Variants in DSCAM observed in about 807,000 individuals in gnomAD.
DSCAM encodes DS cell adhesion molecule, also known as cell adhesion molecule DSCAM.
DSCAM carries 47 observed loss-of-function variants against 217.7 expected under a neutral mutation model. The observed-to-expected ratio is 0.22, with a 90% CI of 0.17 to 0.28. The LOEUF (loss-of-function observed/expected upper bound fraction) is 0.28. DSCAM is among the 10% of genes least tolerant of loss of function. The pLI is 1.00. For missense variants in DSCAM, 2,080 were observed against 2,618.3 expected (o/e 0.79, Z 4.49); for synonymous variants, 1,056 against 1,015.3 (o/e 1.04, Z -0.76).
chr21:40,711,868 T>C (rs2837792), intron 1 of DSCAM, among the ~76,000 whole-genome samples: 1 of 147,472 alleles, frequency 6.8e-6, no homozygotes, highest in Admixed American at 6.7e-5. Flanking sequence ...CTCTTGAGAA[T>C]ACACTCCCAG....
chr21:40,322,024 C>T (rs963156972), intron 8 of DSCAM, among the ~76,000 whole-genome samples: 4 of 152,186 alleles, frequency 2.6e-5, no homozygotes, highest in Non-Finnish European at 5.9e-5. Flanking sequence ...CAAGACTTCT[C>T]AGCCTACCCT....
intron 1 of DSCAM, among the ~76,000 whole-genome samples, chr21:40,786,247 A>G (rs927237268): frequency 7.7e-6 from 1 of 129,340 alleles, no homozygotes; most frequent in African/African-American, 2.5e-5. Context: ...AAAACAAAAC[A>G]AAGAAAGAAG....
chr21:40,531,257 C>G (rs558961731), intron 3 of DSCAM, among the ~76,000 whole-genome samples: 1 of 152,194 alleles, frequency 6.6e-6, no homozygotes, highest in African/African-American at 2.4e-5. Flanking sequence ...CCCAAGGCTG[C>G]TGCCGGTCTC....
intron 3 of DSCAM, among the ~76,000 whole-genome samples, chr21:40,634,781 T>A (rs940256953): frequency 2.0e-5 from 3 of 152,224 alleles, no homozygotes; most frequent in African/African-American, 7.2e-5. Flanking sequence ...TGGTAATAAC[T>A]GAGCGAGAAG....
At chr21:40,485,368 G>T (rs370594252) in intron 3 of DSCAM, among the ~76,000 whole-genome samples, 2 of 150,124 alleles carry the variant, frequency 1.3e-5, no homozygotes, top group Admixed American at 6.7e-5. Flanking sequence ...TCAGCCTCCC[G>T]AGTAGCTGGG....
chr21:40,216,920 T>C (rs1312207464), intron 11 of DSCAM, among the ~76,000 whole-genome samples: 1 of 152,228 alleles, frequency 6.6e-6, no homozygotes, highest in African/African-American at 2.4e-5. Context: ...GCATTATTTT[T>C]CAAAGTCGGT....
At chr21:40,438,517 C>T (rs759584589) in intron 3 of DSCAM, among the ~76,000 whole-genome samples, 1 of 152,136 alleles carries the variant, frequency 6.6e-6, no homozygotes. Flanking sequence ...AACCATGGCA[C>T]CAAATTGAAT....
intron 3 of DSCAM, among the ~76,000 whole-genome samples, chr21:40,619,995 GAGAAAGAGAGAGAAAAAAGAAAA>G (rs1568941688): frequency 2.1e-4 from 25 of 121,924 alleles, no homozygotes; most frequent in Non-Finnish European, 3.4e-4. Context: ...GAAAGAGAGA[GAGAAAGAGAGAGAAAAAAGAAAA>G]AGAAAGAAAG....
At chr21:40,541,635 C>T (rs901873994) in intron 3 of DSCAM, among the ~76,000 whole-genome samples, 4 of 152,022 alleles carry the variant, frequency 2.6e-5, no homozygotes, top group South Asian at 2.1e-4. Flanking sequence ...TATACACACA[C>T]ATAAATGCAT....
At chr21:40,433,036 G>C (rs1436427560) in intron 3 of DSCAM, among the ~76,000 whole-genome samples, 1 of 152,086 alleles carries the variant, frequency 6.6e-6, no homozygotes, top group Non-Finnish European at 1.5e-5. Flanking sequence ...AAAAAAATCA[G>C]TCACATTTCT....
chr21:40,576,708 C>G (rs759317045), intron 3 of DSCAM, among the ~76,000 whole-genome samples: 1 of 151,854 alleles, frequency 6.6e-6, no homozygotes, highest in Non-Finnish European at 1.5e-5. Context: ...ATATAGAACT[C>G]CTGAAAAATC....
intron 11 of DSCAM, among the ~76,000 whole-genome samples, chr21:40,227,994 C>T (rs1319779283): frequency 6.6e-6 from 1 of 152,114 alleles, no homozygotes; most frequent in East Asian, 1.9e-4. Context: ...TTTCTGTGTT[C>T]TTGATGACTG....
intron 32 of DSCAM, among the ~76,000 whole-genome samples, chr21:40,021,222 A>AG (rs1289243853): frequency 2.2e-4 from 33 of 151,536 alleles, no homozygotes; most frequent in Admixed American, 9.9e-4. Context: ...AAAAAAAAAA[A>AG]AAAAGAAAAG....
At chr21:40,065,953 C>T (rs2089200417) in intron 27 of DSCAM, among the ~76,000 whole-genome samples, 2 of 152,182 alleles carry the variant, frequency 1.3e-5, no homozygotes, top group African/African-American at 4.8e-5. Flanking sequence ...TCACTTGTAA[C>T]CTCCAACCTC....
rs774369927 is a variant in DSCAM, at chr21:40,013,008, C to T, written c.*26G>A. ...GATTGAATTGTTTGAATTGTATTTACAACCGCTGTCCAGTCATGCTGTCTG... is the reference window on the plus strand; with the variant it reads ...GATTGAATTGTTTGAATTGTATTTATAACCGCTGTCCAGTCATGCTGTCTG... On this transcript the variant is annotated 3_prime_UTR_variant, in exon 33 of 33. Coordinates refer to ENST00000400454, the MANE Select transcript of DSCAM (RefSeq NM_001389.5). The T allele has an allele frequency of 5.9e-6, 8 of 1,361,928 alleles. No individual in the cohort carries two copies. The Admixed American group carries it at 1.5e-4, about 25-fold the overall frequency. 84.4% of individuals were successfully genotyped at this position (1,361,928 alleles called of 1,614,324 possible). A position where few individuals can be genotyped will look rare whatever the true frequency, so the allele number is the denominator to read the frequency against.
intron 26 of DSCAM, among the ~76,000 whole-genome samples, chr21:40,075,426 G>A (rs1358155100): frequency 6.6e-6 from 1 of 152,088 alleles, no homozygotes; most frequent in Non-Finnish European, 1.5e-5. Context: ...TATAGTGCAC[G>A]TTTGAAAAGG....
chr21:40,658,036 T>C (rs754858872), intron 3 of DSCAM, among the ~76,000 whole-genome samples: 5 of 152,166 alleles, frequency 3.3e-5, no homozygotes, highest in African/African-American at 4.8e-5. Flanking sequence ...TTAAGTGATA[T>C]TGAGGTATTA....
chr21:40,399,579 G>A (rs1002925963), intron 3 of DSCAM, among the ~76,000 whole-genome samples: 4 of 152,138 alleles, frequency 2.6e-5, no homozygotes, highest in African/African-American at 4.8e-5. Flanking sequence ...AATTCTAAAC[G>A]TATCTTCTCT....
At chr21:40,553,736 A>G (rs1365083434) in intron 3 of DSCAM, among the ~76,000 whole-genome samples, 10 of 152,162 alleles carry the variant, frequency 6.6e-5, no homozygotes, top group Admixed American at 6.5e-4. Context: ...TCATGCTTCA[A>G]TTCTCAAATC....
Sources: gnomAD v4.1 joint callset for allele counts (sites outside exome capture counted in the v4.1 genomes callset) on GRCh38, gnomAD v4.1.1 for gene constraint, MANE v1.5 for transcripts, NCBI Gene and HGNC (gene_info 2026-07-23, HGNC 2026-07-21) for gene names.